Variants in ZC3H12B observed in about 807,000 individuals in gnomAD.
ZC3H12B encodes probable ribonuclease ZC3H12B.
Under a neutral mutation model 43.9 loss-of-function variants are expected in ZC3H12B, and 7 were observed. The ratio of observed to expected loss-of-function variants is 0.16; its 90% confidence interval spans 0.09 to 0.30. ZC3H12B has a LOEUF of 0.30. ZC3H12B is among the 10% of genes least tolerant of loss of function. The pLI is 1.00. For synonymous variants in ZC3H12B, 222 were observed against 241.7 expected, an observed-to-expected ratio of 0.92 and a Z score of 0.76; for missense variants, 475 against 670.2, an observed-to-expected ratio of 0.71 and a Z score of 3.22.
the ZC3H12B span, among the ~76,000 whole-genome samples, chrX:65,270,138 A>G: frequency 8.9e-6 from 1 of 111,868 alleles, no homozygotes; most frequent in Non-Finnish European, 1.9e-5. Flanking sequence ...ATTATATTGC[A>G]AAACTATAGT....
chrX:65,212,916 A>T, the ZC3H12B span, among the ~76,000 whole-genome samples: 1 of 106,615 alleles, frequency 9.4e-6, no homozygotes, highest in Non-Finnish European at 1.9e-5. Context: ...AAGTCCAACC[A>T]GTTTGTTCAC....
At chrX:65,493,278 C>T (rs753777879) in intron 1 of ZC3H12B, among the ~76,000 whole-genome samples, 4 of 108,472 alleles carry the variant, frequency 3.7e-5, no homozygotes, top group African/African-American at 1.3e-4. Context: ...GTGGTGGTGG[C>T]GTGCCTGTAC....
the ZC3H12B span, among the ~76,000 whole-genome samples, chrX:65,128,344 T>C: frequency 1.8e-5 from 2 of 112,450 alleles, no homozygotes; most frequent in Non-Finnish European, 3.8e-5. Flanking sequence ...GATTGTTGTT[T>C]AACGTCAAAG....
the ZC3H12B span, among the ~76,000 whole-genome samples, chrX:65,231,819 C>G: frequency 8.9e-6 from 1 of 111,850 alleles, no homozygotes; most frequent in East Asian, 2.8e-4. Flanking sequence ...GTTTTACAAT[C>G]AGATTTCATA....
At chrX:65,349,825 A>G in the ZC3H12B span, among the ~76,000 whole-genome samples, 3 of 111,931 alleles carry the variant, frequency 2.7e-5, no homozygotes, top group Non-Finnish European at 5.6e-5. Context: ...TTCCTGAATA[A>G]ACCAATAACA....
chrX:65,281,220 C>A, the ZC3H12B span, among the ~76,000 whole-genome samples: 2 of 105,746 alleles, frequency 1.9e-5, no homozygotes, highest in Non-Finnish European at 1.9e-5. Flanking sequence ...ATCCACATAC[C>A]TATAGCCAAA....
At chrX:65,047,887 TTCATATG>T in the ZC3H12B span, among the ~76,000 whole-genome samples, 1 of 110,670 alleles carries the variant, frequency 9.0e-6, no homozygotes, top group Non-Finnish European at 1.9e-5. Flanking sequence ...AAAATAATTA[TTCATATG>T]TTGGGGCTAA....
intron 3 of ZC3H12B, among the ~76,000 whole-genome samples, chrX:65,448,375 G>A (rs2067409227): frequency 8.9e-6 from 1 of 112,281 alleles, no homozygotes; most frequent in African/African-American, 3.2e-5. Flanking sequence ...ATTCAATCCA[G>A]CAATCCCACT....
the ZC3H12B span, among the ~76,000 whole-genome samples, chrX:65,306,334 C>T: frequency 2.7e-5 from 3 of 112,004 alleles, no homozygotes; most frequent in African/African-American, 9.7e-5. Flanking sequence ...TAAATGTACA[C>T]TGATATAGAT....
At chrX:65,245,399 G>A in the ZC3H12B span, among the ~76,000 whole-genome samples, 3 of 111,481 alleles carry the variant, frequency 2.7e-5, no homozygotes, top group Non-Finnish European at 3.8e-5. Context: ...CAGAAAAGCT[G>A]CAGGCCAATA....
the ZC3H12B span, among the ~76,000 whole-genome samples, chrX:65,039,727 T>C: frequency 4.5e-5 from 5 of 112,104 alleles, no homozygotes; most frequent in African/African-American, 1.3e-4. Flanking sequence ...AACTGGGTGA[T>C]TTGACTGGAA....
At chrX:65,455,512 G>A (rs2067595110) in intron 3 of ZC3H12B, among the ~76,000 whole-genome samples, 1 of 112,187 alleles carries the variant, frequency 8.9e-6, no homozygotes, top group African/African-American at 3.2e-5. Flanking sequence ...TGGTGTATTT[G>A]AAAGTCACAG....
the ZC3H12B span, among the ~76,000 whole-genome samples, chrX:65,176,641 C>T: frequency 1.8e-5 from 2 of 111,992 alleles, no homozygotes; most frequent in Admixed American, 1.9e-4. Flanking sequence ...TCAGAGAATA[C>T]TATAAACACC....
intron 3 of ZC3H12B, among the ~76,000 whole-genome samples, chrX:65,417,853 C>T (rs937445483): frequency 8.9e-6 from 1 of 112,402 alleles, no homozygotes; most frequent in Non-Finnish European, 1.9e-5. Flanking sequence ...ATTACCCAAC[C>T]AACATTATTT....
chrX:65,406,042 C>T (rs1467595648), intron 3 of ZC3H12B, among the ~76,000 whole-genome samples: 1 of 111,778 alleles, frequency 8.9e-6, no homozygotes, highest in South Asian at 3.7e-4. Context: ...CCAGTGGCTT[C>T]ACTGCTGATT....
rs1556209271 is a variant in ZC3H12B, at chrX:65,448,955, A to AAAAGAAAG, written n.408-39673_408-39666dup. ...GAGAAGGAAAAGAAAGAAAGAAAGA[A>AAAAGAAAG]AAAGAAAGAAAGAAAGAAAGAAAGA... On this transcript the variant is annotated intron_variant and non_coding_transcript_variant, in intron 3 of 5. Coordinates refer to the ZC3H12B transcript ENST00000617377. Among the ~76,000 whole-genome samples, 18 of 58,969 alleles carry AAAAGAAAG rather than the reference A, an allele frequency of 3.1e-4. No individual in the cohort carries two copies. The East Asian group carries it at 4.5e-3, about 15-fold the overall frequency. 51.2% of individuals were successfully genotyped at this position (58,969 alleles called of 115,157 possible). A position where few individuals can be genotyped will look rare whatever the true frequency, so the allele number is the denominator to read the frequency against.
intron 3 of ZC3H12B, among the ~76,000 whole-genome samples, chrX:65,445,402 G>T (rs903242499): frequency 8.9e-6 from 1 of 112,436 alleles, no homozygotes; most frequent in African/African-American, 3.2e-5. Flanking sequence ...CTAAGTCTTT[G>T]GTCACTGTAG....
At chrX:65,232,580 G>A in the ZC3H12B span, among the ~76,000 whole-genome samples, 2 of 111,035 alleles carry the variant, frequency 1.8e-5, no homozygotes, top group African/African-American at 3.3e-5. Flanking sequence ...TATTCACAAA[G>A]CAAAAATTAT....
the ZC3H12B span, among the ~76,000 whole-genome samples, chrX:65,198,526 A>G: frequency 8.9e-6 from 1 of 111,835 alleles, no homozygotes; most frequent in Non-Finnish European, 1.9e-5. Context: ...TTCTGAGATA[A>G]AAGTTTTTTT....
Sources: gnomAD v4.1 joint callset for allele counts (sites outside exome capture counted in the v4.1 genomes callset) on GRCh38, gnomAD v4.1.1 for gene constraint, MANE v1.5 for transcripts, NCBI Gene and HGNC (gene_info 2026-07-23, HGNC 2026-07-21) for gene names.